The following MACROD2 variants were observed in gnomAD, a reference collection of about 807,000 sequenced individuals.
The protein encoded by MACROD2 is ADP-ribose glycohydrolase MACROD2.
Under a neutral mutation model 70.4 loss-of-function variants are expected in MACROD2, and 36 were observed. The observed-to-expected ratio is 0.51, with a 90% CI of 0.39 to 0.68. The LOEUF (loss-of-function observed/expected upper bound fraction) is 0.68, where lower values mean the gene tolerates loss of function less well. Ranked by LOEUF, MACROD2 falls within the 30% of genes least tolerant of loss-of-function variation. The pLI is 0.00. For missense variants in MACROD2, 496 were observed against 538.4 expected, an observed-to-expected ratio of 0.92 and a Z score of 0.78; for synonymous variants, 172 against 178.8, an observed-to-expected ratio of 0.96 and a Z score of 0.30.
chr20:15,430,458 T>G (rs1378188513), intron 6 of MACROD2, among the ~76,000 whole-genome samples: 1 of 151,958 alleles, frequency 6.6e-6, no homozygotes, highest in Non-Finnish European at 1.5e-5. Flanking sequence ...CTTTTACAAT[T>G]GAAAAATACA....
chr20:14,437,468 C>T (rs2084069309), intron 3 of MACROD2, among the ~76,000 whole-genome samples: 2 of 151,996 alleles, frequency 1.3e-5, no homozygotes, highest in Admixed American at 1.3e-4. Flanking sequence ...GTGGTGAGTG[C>T]CTGTAATCCT....
chr20:15,867,536 T>C lies in MACROD2; in HGVS notation c.727+4710T>C, dbSNP rs185085881. 2.2e-3 allele frequency among the ~76,000 whole-genome samples: 338 copies of C among 152,342 alleles called. 1 individual carries two copies. Among genetic ancestry groups the C allele is most frequent in the African/African-American group, 7.8e-3 (326 of 41,584 alleles). On this transcript the variant is annotated intron_variant, in intron 9 of 17. Coordinates refer to ENST00000684519, the MANE Select transcript of MACROD2 (RefSeq NM_001351661.2). Reference sequence around the variant, plus strand: ...CCATTACATGGCCTACAGCAAATAATATTTGTATGATTCAACTCAGAAATC... The same window carrying C: ...CCATTACATGGCCTACAGCAAATAACATTTGTATGATTCAACTCAGAAATC...
chr20:14,085,563 A>T lies in MACROD2; in HGVS notation c.164-58A>T, dbSNP rs1288935318. The T allele has an allele frequency of 3.9e-6, 4 of 1,020,000 alleles. No individual in the cohort carries two copies. In the East Asian group the frequency reaches 8.5e-5, roughly 22 times the overall value. 63.2% of individuals were successfully genotyped at this position (1,020,000 alleles called of 1,614,324 possible). On this transcript the variant is annotated intron_variant, in intron 2 of 17. Transcript: ENST00000684519. ...TTGTAGTAGTCTTGAGTAAAAAATT[A>T]TCTCGATTAAGTTAATTAATAATAT...
intron 8 of MACROD2, among the ~76,000 whole-genome samples, chr20:15,685,243 A>G (rs2050211225): frequency 6.6e-6 from 1 of 152,160 alleles, no homozygotes; most frequent in African/African-American, 2.4e-5. Flanking sequence ...CTAAATCTAT[A>G]CCACGAGCAT....
At chr20:14,672,150 T>G (rs753940150) in intron 4 of MACROD2, among the ~76,000 whole-genome samples, 3 of 152,216 alleles carry the variant, frequency 2.0e-5, no homozygotes, top group African/African-American at 4.8e-5. Flanking sequence ...ATTGATTCTA[T>G]GGGTTCACTG....
chr20:15,928,473 A>C (rs2065524673), intron 10 of MACROD2, among the ~76,000 whole-genome samples: 1 of 152,214 alleles, frequency 6.6e-6, no homozygotes, highest in African/African-American at 2.4e-5. Context: ...TTACCCAGAC[A>C]ATAAATAGTT....
At chr20:15,595,190 A>G (rs2048730107) in intron 8 of MACROD2, among the ~76,000 whole-genome samples, 1 of 152,242 alleles carries the variant, frequency 6.6e-6, no homozygotes, top group African/African-American at 2.4e-5. Flanking sequence ...AAAGTTCTGG[A>G]GGTCCACTGC....
intron 5 of MACROD2, among the ~76,000 whole-genome samples, chr20:14,870,658 AT>A (rs1372897444): frequency 1.3e-4 from 20 of 151,864 alleles, no homozygotes; most frequent in African/African-American, 4.6e-4. Context: ...CATGAGATGT[AT>A]CTTATTGTGG....
At chr20:15,066,118 TTTTTTATTTTTAA>T (rs1173800501) in intron 5 of MACROD2, among the ~76,000 whole-genome samples, 10 of 151,138 alleles carry the variant, frequency 6.6e-5, no homozygotes, top group Non-Finnish European at 8.9e-5. Context: ...TTTCTTTTTT[TTTTTTATTTTTAA>T]TTTTTATTTT....
At chr20:15,834,903 C>T (rs910214160) in intron 8 of MACROD2, among the ~76,000 whole-genome samples, 5 of 152,118 alleles carry the variant, frequency 3.3e-5, no homozygotes, top group Admixed American at 6.5e-5. Context: ...TCATGGCTAA[C>T]GATGAGGCCA....
At chr20:15,590,037 T>C (rs2048656239) in intron 8 of MACROD2, among the ~76,000 whole-genome samples, 1 of 152,138 alleles carries the variant, frequency 6.6e-6, no homozygotes, top group African/African-American at 2.4e-5. Context: ...TATGAGATCA[T>C]GAATAGAGAA....
chr20:15,657,022 GGAAAGAAGAAAGGAAAGGA>G lies in MACROD2; in HGVS notation c.645+157184_645+157202del, dbSNP rs1180861641. 4.0e-4 allele frequency among the ~76,000 whole-genome samples: 61 copies of G among 150,632 alleles called. 1 individual carries two copies. The highest frequency in any genetic ancestry group is 1.4e-3 in the African/African-American group (58 of 40,176). On this transcript the variant is annotated intron_variant, in intron 8 of 17. Coordinates refer to ENST00000684519, the MANE Select transcript of MACROD2 (RefSeq NM_001351661.2). Reference sequence around the variant, plus strand: ...ATTGCTTGGTTTCCATGCTTGGCATGGAAAGAAGAAAGGAAAGGAGAAAGAAGGAAGGAAAGAAGAATTG... The same window carrying G: ...ATTGCTTGGTTTCCATGCTTGGCATGGAAAGAAGGAAGGAAAGAAGAATTG...
chr20:14,887,316 T>C (rs1375611270), intron 5 of MACROD2, among the ~76,000 whole-genome samples: 1 of 151,978 alleles, frequency 6.6e-6, no homozygotes, highest in African/African-American at 2.4e-5. Flanking sequence ...AATAAATACC[T>C]CTTCTAAGAA....
intron 3 of MACROD2, among the ~76,000 whole-genome samples, chr20:14,118,098 C>T (rs550781006): frequency 2.0e-5 from 3 of 152,184 alleles, no homozygotes; most frequent in South Asian, 4.2e-4. Flanking sequence ...TTTAAGCTGT[C>T]GAGTTTGTGG....
chr20:15,337,149 T>G (rs1209525068), intron 6 of MACROD2, among the ~76,000 whole-genome samples: 4 of 151,838 alleles, frequency 2.6e-5, no homozygotes, highest in Non-Finnish European at 5.9e-5. Flanking sequence ...GATTCATCAA[T>G]GGCTTTGAAG....
At chr20:15,868,606 T>TC (rs987800904) in intron 9 of MACROD2, among the ~76,000 whole-genome samples, 1 of 150,836 alleles carries the variant, frequency 6.6e-6, no homozygotes, top group Non-Finnish European at 1.5e-5. Flanking sequence ...TACTTTTCTT[T>TC]TTTTTTTTTT....
chr20:14,988,233 G>A (rs994254061), intron 5 of MACROD2, among the ~76,000 whole-genome samples: 4 of 151,262 alleles, frequency 2.6e-5, no homozygotes, highest in Non-Finnish European at 4.4e-5. Context: ...GCGAGGTGGC[G>A]TACACCTATA....
At chr20:15,961,202 G>A (rs985660662) in intron 12 of MACROD2, among the ~76,000 whole-genome samples, 5 of 152,102 alleles carry the variant, frequency 3.3e-5, no homozygotes, top group African/African-American at 1.2e-4. Flanking sequence ...ATGGGGGAAT[G>A]GGGGCCCATG....
At chr20:15,185,113 T>A (rs1381471374) in intron 5 of MACROD2, among the ~76,000 whole-genome samples, 1 of 152,174 alleles carries the variant, frequency 6.6e-6, no homozygotes, top group African/African-American at 2.4e-5. Flanking sequence ...GATCCTTAAG[T>A]ACATAGATCA....
Sources: gnomAD v4.1 joint callset for allele counts (sites outside exome capture counted in the v4.1 genomes callset) on GRCh38, gnomAD v4.1.1 for gene constraint, MANE v1.5 for transcripts, NCBI Gene and HGNC (gene_info 2026-07-23, HGNC 2026-07-21) for gene names.